Variants in EPHA6 observed in about 807,000 individuals in gnomAD.
EPHA6 encodes the protein ephrin type-A receptor 6.
A neutral mutation model predicts 112.0 loss-of-function variants in EPHA6; 50 were observed. That is an observed-to-expected ratio of 0.45 (90% CI 0.36 to 0.56). The LOEUF is 0.56. Ranked by LOEUF, EPHA6 falls within the 20% of genes least tolerant of loss-of-function variation. The probability of loss-of-function intolerance (pLI) is 0.00; values close to 1 mark genes in which losing one functional copy is unlikely to be tolerated. For synonymous variants in EPHA6, 529 were observed against 490.7 expected (o/e 1.08, Z -1.03); for missense variants, 1,280 against 1,417.4 (o/e 0.90, Z 1.56).
chr3:97,035,376 G>A (rs2108033108), intron 3 of EPHA6, among the ~76,000 whole-genome samples: 1 of 152,118 alleles, frequency 6.6e-6, no homozygotes, highest in Non-Finnish European at 1.5e-5. Context: ...CAGATGAGAA[G>A]TAGGTTTTGG....
At chr3:97,276,194 C>T (rs2080073404) in intron 5 of EPHA6, among the ~76,000 whole-genome samples, 1 of 152,122 alleles carries the variant, frequency 6.6e-6, no homozygotes, top group Non-Finnish European at 1.5e-5. Context: ...CGAAGCCTGG[C>T]ATCCATGATG....
At chr3:97,142,168 A>C (rs534227366) in intron 3 of EPHA6, among the ~76,000 whole-genome samples, 2 of 152,142 alleles carry the variant, frequency 1.3e-5, no homozygotes, top group African/African-American at 4.8e-5. Flanking sequence ...TTGTTGATCA[A>C]AGATTCATTT....
chr3:97,280,345 G>T (rs1199007689), intron 5 of EPHA6, among the ~76,000 whole-genome samples: 1 of 152,206 alleles, frequency 6.6e-6, no homozygotes, highest in Non-Finnish European at 1.5e-5. Flanking sequence ...TCATACAACA[G>T]TTCCTGGCAT....
chr3:97,427,818 G>T (rs1262515691), intron 6 of EPHA6, among the ~76,000 whole-genome samples: 1 of 151,332 alleles, frequency 6.6e-6, no homozygotes, highest in Admixed American at 6.6e-5. Flanking sequence ...TAATACAGGA[G>T]GAGAAAACCA....
At position 96,908,952 on chromosome 3, in the gene EPHA6, A is replaced by G. The variant is rs111678665; in HGVS notation, c.450+42063A>G. ...ACAGTTTTCAGAGATTTGTAAAGTA[A>G]TTGAAGCAGTTGTGAAGGTTAGAGA... On this transcript the variant is annotated intron_variant, in intron 2 of 17. Transcript: ENST00000389672. 3.3e-5 allele frequency among the ~76,000 whole-genome samples: 5 copies of G among 151,916 alleles called. No homozygotes were observed. In the South Asian group the frequency reaches 1.0e-3, roughly 31 times the overall value.
intron 2 of EPHA6, among the ~76,000 whole-genome samples, chr3:96,932,011 AG>A (rs2040351414): frequency 6.6e-6 from 1 of 152,004 alleles, no homozygotes; most frequent in Admixed American, 6.6e-5. Flanking sequence ...TGGGCTCATG[AG>A]GGGATATCCT....
intron 2 of EPHA6, among the ~76,000 whole-genome samples, chr3:96,899,053 C>CAAA (rs142436863): frequency 1.7e-4 from 22 of 129,758 alleles, no homozygotes; most frequent in African/African-American, 6.1e-4. Flanking sequence ...AACAAACAAA[C>CAAA]AAAAAAAAAA....
chr3:97,273,684 A>G (rs1171710344), intron 5 of EPHA6, among the ~76,000 whole-genome samples: 1 of 152,162 alleles, frequency 6.6e-6, no homozygotes, highest in Non-Finnish European at 1.5e-5. Context: ...TAGGGGATAT[A>G]AAGGTTTCAC....
chr3:96,908,394 T>C (rs2039045843), intron 2 of EPHA6, among the ~76,000 whole-genome samples: 1 of 152,018 alleles, frequency 6.6e-6, no homozygotes, highest in Admixed American at 6.6e-5. Flanking sequence ...TACCAGAGAT[T>C]TGCCATGCCC....
chr3:96,979,158 A>G (rs1464347047), intron 2 of EPHA6, among the ~76,000 whole-genome samples: 1 of 151,842 alleles, frequency 6.6e-6, no homozygotes, highest in African/African-American at 2.4e-5. Flanking sequence ...TGCTGCACCC[A>G]TTAACTCATC....
chr3:97,322,584 T>C (rs1203071656), intron 5 of EPHA6, among the ~76,000 whole-genome samples: 3 of 152,034 alleles, frequency 2.0e-5, no homozygotes, highest in Non-Finnish European at 2.9e-5. Flanking sequence ...AGCATTACAG[T>C]ATGATTTATA....
At chr3:97,312,309 A>G (rs2081599266) in intron 5 of EPHA6, among the ~76,000 whole-genome samples, 1 of 151,632 alleles carries the variant, frequency 6.6e-6, no homozygotes. Context: ...CTCCAATAAA[A>G]TAGAGAACAG....
At chr3:97,416,376 A>G (rs1050371566) in intron 6 of EPHA6, among the ~76,000 whole-genome samples, 2 of 152,128 alleles carry the variant, frequency 1.3e-5, no homozygotes, top group African/African-American at 2.4e-5. Flanking sequence ...TTGTGGATAA[A>G]ATTTTAAATA....
At chr3:96,887,577 C>T (rs116840294) in intron 2 of EPHA6, among the ~76,000 whole-genome samples, 3,486 of 152,146 alleles carry the variant, frequency 0.023, 138 homozygotes, top group African/African-American at 0.079. Context: ...GGCCTCCTGC[C>T]GGGAGGTTAT....
intron 2 of EPHA6, among the ~76,000 whole-genome samples, chr3:96,965,815 A>T (rs182028332): frequency 2.6e-5 from 4 of 152,078 alleles, no homozygotes; most frequent in African/African-American, 9.7e-5. Context: ...TGAGGATCAA[A>T]CTTCTTATAA....
chr3:97,085,513 C>T (rs2046865660), intron 3 of EPHA6, among the ~76,000 whole-genome samples: 1 of 152,172 alleles, frequency 6.6e-6, no homozygotes, highest in South Asian at 2.1e-4. Flanking sequence ...TAGAGAGTAT[C>T]GACTGTTCTG....
intron 10 of EPHA6, among the ~76,000 whole-genome samples, chr3:97,517,443 GT>G (rs1159867358): frequency 6.6e-5 from 10 of 150,746 alleles, no homozygotes; most frequent in Non-Finnish European, 7.4e-5. Flanking sequence ...AGACGTCTGG[GT>G]TTTTTTTTCT....
chr3:97,442,552 A>G (rs2090171180), intron 6 of EPHA6, among the ~76,000 whole-genome samples: 1 of 152,186 alleles, frequency 6.6e-6, no homozygotes, highest in Non-Finnish European at 1.5e-5. Flanking sequence ...CCTGGTTGAC[A>G]GGACGAGACT....
chr3:97,227,320 A>C (rs1023352948), intron 4 of EPHA6, among the ~76,000 whole-genome samples: 1 of 151,750 alleles, frequency 6.6e-6, no homozygotes, highest in Non-Finnish European at 1.5e-5. Flanking sequence ...TCCCGGATTC[A>C]AGCGATTCTC....
Sources: allele counts gnomAD v4.1 joint callset (sites outside exome capture counted in the v4.1 genomes callset), GRCh38; gene constraint gnomAD v4.1.1; transcripts MANE v1.5; gene names NCBI Gene and HGNC (gene_info 2026-07-23, HGNC 2026-07-21).